Variants in BTD observed in about 807,000 individuals in gnomAD.
BTD encodes biocytinase.
In BTD, 13 loss-of-function variants were observed where a neutral mutation model predicts 17.7. That is an observed-to-expected ratio of 0.74 (90% CI 0.48 to 1.17). The LOEUF (loss-of-function observed/expected upper bound fraction) is 1.17. Among genes scored for constraint, BTD ranks in the 50% most tolerant of loss-of-function variants. BTD has a pLI of 0.00. For missense variants in BTD, 674 were observed against 650.4 expected (o/e 1.04, Z -0.39); for synonymous variants, 240 against 245.2 (o/e 0.98, Z 0.20).
chr3:15,605,305 C>T (rs2064413968), intron 1 of BTD, among the ~76,000 whole-genome samples: 2 of 152,192 alleles, frequency 1.3e-5, no homozygotes, highest in Non-Finnish European at 2.9e-5. Flanking sequence ...TGCAGGGAAA[C>T]TCCCATTTAT....
chr3:15,641,594 A>G (rs1435676980), intron 2 of BTD, among the ~76,000 whole-genome samples: 2 of 152,190 alleles, frequency 1.3e-5, no homozygotes, highest in East Asian at 1.9e-4. Context: ...CTTTCTAGCT[A>G]TTCGCTTGTC....
At chr3:15,716,807 CT>C (rs2073124245), downstream of BTD, among the ~76,000 whole-genome samples, 3 of 152,088 alleles carry the variant, frequency 2.0e-5, no homozygotes, top group Non-Finnish European at 4.4e-5. Context: ...TTTTAAAACA[CT>C]TCATATGGTC....
Position 15,635,733 on chromosome 3 carries a change from A to G in BTD, c.249+45A>G. 1.2e-6 allele frequency: 2 copies of G among 1,612,570 alleles called. No homozygotes were observed. The highest frequency in any genetic ancestry group is 1.7e-6 in the Non-Finnish European group (2 of 1,179,418). On this transcript the variant is annotated intron_variant, in intron 2 of 3. Coordinates refer to ENST00000643237, the MANE Select transcript of BTD (RefSeq NM_001370658.1). This position sits in a 1 kb window ranked among gnomAD's most constrained non-coding sequence, Gnocchi z 4.1. ...CCTGAGTTTCTCTCATACAGAGCAG[A>G]TTGCTCTTTACCCCTTGATCAGTGG...
intron 1 of BTD, among the ~76,000 whole-genome samples, chr3:15,623,469 G>A (rs952511809): frequency 5.3e-5 from 8 of 152,190 alleles, no homozygotes; most frequent in African/African-American, 1.2e-4. Context: ...GCCTTTGTTC[G>A]TAGTTCCTGT....
chr3:15,606,191 G>T lies in BTD; in HGVS notation c.-17+4297G>T, dbSNP rs569981190. 6.6e-5 allele frequency among the ~76,000 whole-genome samples: 10 copies of T among 151,944 alleles called. No homozygotes were observed. In the South Asian group the frequency reaches 2.1e-3, roughly 32 times the overall value. Reference sequence around the variant, plus strand: ...ATCAGTACCTTTTGTGACAGTCTCTGCCCCTGTTGCATTAGAGTCACTTGG... The same window carrying T: ...ATCAGTACCTTTTGTGACAGTCTCTTCCCCTGTTGCATTAGAGTCACTTGG... On this transcript the variant is annotated intron_variant, in intron 1 of 3. Transcript: ENST00000643237.
chr3:15,707,813 A>C (rs918461630), intron 3 of BTD: 1 of 1,317,146 alleles, frequency 7.6e-7, no homozygotes, highest in African/African-American at 1.5e-5. Context: ...GGGCAAAGAT[A>C]ATCAACAAAA....
intron 3 of BTD, among the ~76,000 whole-genome samples, chr3:15,693,138 A>G (rs1239565537): frequency 6.6e-6 from 1 of 152,212 alleles, no homozygotes; most frequent in Non-Finnish European, 1.5e-5. Flanking sequence ...ACAGAGTTTT[A>G]GTTTTAACCT....
At position 15,653,397 on chromosome 3, in the gene BTD, G is replaced by T. The variant is rs998071982; in HGVS notation, c.*7909G>T. 6.6e-6 allele frequency among the ~76,000 whole-genome samples: 1 copy of T among 152,208 alleles called. No homozygotes were observed. The highest frequency in any genetic ancestry group is 2.4e-5 in the African/African-American group (1 of 41,458). ...ACTAAGGCCTGGAAGGCAAGTCCTT[G>T]CCTGAGACTAAACAGAATCCCAGCA... On this transcript the variant is annotated 3_prime_UTR_variant, in exon 4 of 4. Coordinates refer to ENST00000643237, the MANE Select transcript of BTD (RefSeq NM_001370658.1).
chr3:15,618,088 C>T (rs780967643), intron 1 of BTD, among the ~76,000 whole-genome samples: 4 of 152,154 alleles, frequency 2.6e-5, no homozygotes, highest in Non-Finnish European at 4.4e-5. Context: ...GCTGAATAGC[C>T]AGGACTATAG....
intron 1 of BTD, among the ~76,000 whole-genome samples, chr3:15,609,584 C>T (rs2064555624): frequency 6.6e-6 from 1 of 152,162 alleles, no homozygotes; most frequent in African/African-American, 2.4e-5. Context: ...TCCATAGTCT[C>T]AACTGTGGAG....
intron 4 of BTD, among the ~76,000 whole-genome samples, chr3:15,720,529 A>G (rs2073604841): frequency 6.6e-6 from 1 of 152,246 alleles, no homozygotes; most frequent in Non-Finnish European, 1.5e-5. Context: ...ATGAAAGCAT[A>G]CAAATGAACC....
chr3:15,658,504 T>C (rs2065893028), downstream of BTD, among the ~76,000 whole-genome samples: 1 of 148,224 alleles, frequency 6.7e-6, no homozygotes. Flanking sequence ...AGCCCACTTT[T>C]ATCTTGCCCA....
intron 3 of BTD, chr3:15,697,155 G>A (rs1368414402): frequency 6.6e-6 from 1 of 152,160 alleles, no homozygotes; most frequent in African/African-American, 2.4e-5. Context: ...ACCTGGAGTT[G>A]GAGATCATTA....
intron 1 of BTD, among the ~76,000 whole-genome samples, chr3:15,613,803 C>T (rs540810938): frequency 9.9e-5 from 15 of 152,148 alleles, no homozygotes; most frequent in East Asian, 1.9e-4. Context: ...GTGAACAAGG[C>T]CATTCTGGTT....
At position 15,644,626 on chromosome 3, in the gene BTD, T is replaced by A. The variant is rs1190721481; in HGVS notation, c.710T>A (p.Val237Asp). The A allele has an allele frequency of 2.5e-6, 4 of 1,614,058 alleles. No individual in the cohort carries two copies. Among genetic ancestry groups the A allele is most frequent in the Non-Finnish European group, 3.4e-6 (4 of 1,179,994 alleles). Residue 237 changes from valine to aspartate, a missense_variant, in exon 4 of 4, where the codon GTC becomes GAC. Coordinates refer to ENST00000643237, the MANE Select transcript of BTD (RefSeq NM_001370658.1). Reference protein sequence around the residue: ...DILFFDPAIRVLRDYKVKHVV... With the variant: ...DILFFDPAIRDLRDYKVKHVV... ...TTGTTCTTTGACCCTGCCATCAGAG[T>A]CCTCAGAGACTACAAGGTGAAGCAT...
intron 3 of BTD, chr3:15,685,187 C>A: frequency 6.3e-7 from 1 of 1,591,730 alleles, no homozygotes; most frequent in South Asian, 1.1e-5. Context: ...TATCTCTGTT[C>A]ACTACACAAT....
intron 3 of BTD, among the ~76,000 whole-genome samples, chr3:15,698,017 C>T (rs113494860): frequency 0.027 from 4,126 of 151,690 alleles, 189 homozygotes; most frequent in African/African-American, 0.094. Flanking sequence ...AGTTTATTTG[C>T]GTAGAGGTGT....
intron 4 of BTD, among the ~76,000 whole-genome samples, chr3:15,718,882 A>G (rs1477985695): frequency 6.6e-6 from 1 of 152,228 alleles, no homozygotes; most frequent in Non-Finnish European, 1.5e-5. Flanking sequence ...ACTTTCATTA[A>G]AGAAACATTA....
rs573481408 is a variant in BTD, at chr3:15,720,266, GTTTT to G, written c.1016-1499_1016-1496del. 1.4e-3 allele frequency among the ~76,000 whole-genome samples: 207 copies of G among 151,636 alleles called. 3 individuals are homozygous for G. The highest frequency in any genetic ancestry group is 2.3e-3 in the South Asian group (11 of 4,800). On this transcript the variant is annotated intron_variant, in intron 4 of 4. Coordinates refer to the BTD transcript ENST00000672427. Reference sequence around the variant, plus strand: ...ATTCCTTATGTGCAACACACTGACAGTTTTTTTTCCCTAACACTGTAAAATTTGA... The same window carrying G: ...ATTCCTTATGTGCAACACACTGACAGTTTTCCCTAACACTGTAAAATTTGA...
Sources: allele counts gnomAD v4.1 joint callset (sites outside exome capture counted in the v4.1 genomes callset), GRCh38; gene constraint gnomAD v4.1.1; non-coding constraint Gnocchi (gnomAD v3.1); transcripts MANE v1.5; gene names NCBI Gene and HGNC (gene_info 2026-07-23, HGNC 2026-07-21).